TRPM3: variants seen among roughly 807,000 people sequenced by gnomAD.
The protein encoded by TRPM3 is transient receptor potential cation channel subfamily M member 3, also known as long transient receptor potential channel 3.
TRPM3 carries 77 observed loss-of-function variants against 181.2 expected under a neutral mutation model. The observed-to-expected ratio is 0.42, with a 90% CI of 0.35 to 0.51. The LOEUF (loss-of-function observed/expected upper bound fraction) is 0.51. Ranked by LOEUF, TRPM3 falls within the 20% of genes least tolerant of loss-of-function variation. The pLI is 0.01. For synonymous variants in TRPM3, 745 were observed against 796.4 expected (o/e 0.94, Z 1.09); for missense variants, 1,759 against 2,196.7 (o/e 0.80, Z 3.98).
intron 1 of TRPM3, among the ~76,000 whole-genome samples, chr9:71,275,003 C>T (rs2084083367): frequency 6.6e-6 from 1 of 152,138 alleles, no homozygotes; most frequent in Non-Finnish European, 1.5e-5. Flanking sequence ...AGGCAAAGAT[C>T]CCTGCTATCA....
chr9:71,279,323 T>C (rs977360563), intron 1 of TRPM3, among the ~76,000 whole-genome samples: 6 of 152,090 alleles, frequency 3.9e-5, no homozygotes, highest in Admixed American at 2.6e-4. Context: ...CAAATACGGA[T>C]AGTTACACAA....
At chr9:71,076,223 G>A (rs913781890) in intron 1 of TRPM3, among the ~76,000 whole-genome samples, 3 of 152,122 alleles carry the variant, frequency 2.0e-5, no homozygotes, top group African/African-American at 7.2e-5. Flanking sequence ...CGGTCAGCTC[G>A]AAATCAGACA....
chr9:71,299,992 G>T (rs968793269), intron 1 of TRPM3, among the ~76,000 whole-genome samples: 1 of 152,100 alleles, frequency 6.6e-6, no homozygotes, highest in Non-Finnish European at 1.5e-5. Context: ...TTAGCTAGGA[G>T]CTGTCTCATC....
intron 1 of TRPM3, among the ~76,000 whole-genome samples, chr9:70,952,677 G>A (rs1031758401): frequency 4.6e-5 from 7 of 152,120 alleles, no homozygotes; most frequent in Admixed American, 2.0e-4. Flanking sequence ...TTTGACAGAC[G>A]GATTAACAGC....
intron 1 of TRPM3, among the ~76,000 whole-genome samples, chr9:70,937,510 A>G (rs949522250): frequency 1.2e-4 from 18 of 152,258 alleles, no homozygotes; most frequent in African/African-American, 4.3e-4. Flanking sequence ...AAGAGTATCC[A>G]AAATTACTGA....
intron 1 of TRPM3, among the ~76,000 whole-genome samples, chr9:71,440,698 C>T (rs967204659): frequency 6.6e-6 from 1 of 152,160 alleles, no homozygotes; most frequent in Non-Finnish European, 1.5e-5. Context: ...AGAGGCTGTC[C>T]AGTACTTACC....
chr9:71,374,412 A>C (rs965807369), intron 1 of TRPM3, among the ~76,000 whole-genome samples: 8 of 151,988 alleles, frequency 5.3e-5, no homozygotes, highest in African/African-American at 1.9e-4. Context: ...AACAAAAAAA[A>C]CCACTCTCAA....
intron 1 of TRPM3, among the ~76,000 whole-genome samples, chr9:71,150,646 G>A (rs532625173): frequency 1.1e-4 from 17 of 152,156 alleles, no homozygotes; most frequent in Admixed American, 7.9e-4. Context: ...CAAATTCAAT[G>A]AAATAGCCTT....
chr9:71,385,242 T>C (rs946589338), intron 1 of TRPM3, among the ~76,000 whole-genome samples: 2 of 152,120 alleles, frequency 1.3e-5, no homozygotes, highest in African/African-American at 4.8e-5. Flanking sequence ...TCTCAAAATA[T>C]CAATCTAGAA....
chr9:71,423,408 A>T (rs1452473795), intron 1 of TRPM3, among the ~76,000 whole-genome samples: 4 of 152,228 alleles, frequency 2.6e-5, no homozygotes, highest in African/African-American at 9.6e-5. Flanking sequence ...AGAAGCAAAC[A>T]TCTCATCTAA....
intron 1 of TRPM3, among the ~76,000 whole-genome samples, chr9:71,282,102 A>AAAC (rs1565417817): frequency 3.4e-5 from 2 of 59,626 alleles, no homozygotes; most frequent in African/African-American, 6.6e-5. Context: ...AGAAAGAAAG[A>AAAC]AAAGAAAGAA....
At chr9:70,616,183 T>C (rs1030454202) in intron 17 of TRPM3, 108 bp from the exon 18 acceptor site, 20 of 701,512 alleles carry the variant, frequency 2.9e-5, no homozygotes, top group South Asian at 5.3e-5. Context: ...AGTGTATGCG[T>C]GTGTGTGTGT....
At chr9:70,769,478 C>A (rs2079796875) in intron 7 of TRPM3, among the ~76,000 whole-genome samples, 1 of 151,860 alleles carries the variant, frequency 6.6e-6, no homozygotes, top group Non-Finnish European at 1.5e-5. Flanking sequence ...CGTTTCTGAG[C>A]TTTGGAGTAC....
chr9:70,798,955 C>T (rs2088041799), intron 6 of TRPM3, among the ~76,000 whole-genome samples: 1 of 152,114 alleles, frequency 6.6e-6, no homozygotes, highest in African/African-American at 2.4e-5. Context: ...CTGAAAGAGC[C>T]CAGATTCTTA....
chr9:70,625,515 T>G lies in TRPM3; in HGVS notation c.1635A>C (p.Arg545=), dbSNP rs73451725. Reference sequence around the variant, plus strand: ...AGATCCAACCGAAACCTGGATACTCTCGCTTGGAAAGAAGACATAAGTTAA... The same window carrying G: ...AGATCCAACCGAAACCTGGATACTCGCGCTTGGAAAGAAGACATAAGTTAA... ...LYHLVRDVKK[R]EYPGFGWIYF... Residue 545 remains arginine (R), a splice_region_variant and synonymous_variant, in exon 13 of 26, where the codon CGA becomes CGC. Coordinates refer to ENST00000677713, the MANE Select transcript of TRPM3 (RefSeq NM_001366145.2). The surrounding 1 kb of genome is among the most constrained non-coding windows in gnomAD (Gnocchi z 4.8). The G allele has an allele frequency of 0.1, 167,652 of 1,610,932 alleles. 9,473 individuals are homozygous for G. The highest frequency in any genetic ancestry group is 0.23 in the East Asian group (10,291 of 44,860).
chr9:70,852,838 T>C (rs1257331469), intron 3 of TRPM3, among the ~76,000 whole-genome samples: 1 of 152,204 alleles, frequency 6.6e-6, no homozygotes, highest in Non-Finnish European at 1.5e-5. Context: ...CTCTCCCCTT[T>C]CATCTACAGA....
At chr9:71,110,478 T>G (rs2070822789) in intron 1 of TRPM3, among the ~76,000 whole-genome samples, 1 of 152,222 alleles carries the variant, frequency 6.6e-6, no homozygotes, top group Admixed American at 6.5e-5. Context: ...CTTTCATGCT[T>G]CGATGTAATA....
chr9:71,015,861 G>C (rs2097779984), intron 1 of TRPM3, among the ~76,000 whole-genome samples: 1 of 152,014 alleles, frequency 6.6e-6, no homozygotes, highest in Non-Finnish European at 1.5e-5. Flanking sequence ...TCCCTTGACA[G>C]GGTTTCCTTT....
chr9:70,668,126 G>T (rs1327631226), intron 9 of TRPM3, among the ~76,000 whole-genome samples: 1 of 152,158 alleles, frequency 6.6e-6, no homozygotes, highest in Admixed American at 6.5e-5. Flanking sequence ...TCCCAAACAT[G>T]TCAAACATGG....
Sources: gnomAD v4.1 joint callset for allele counts (sites outside exome capture counted in the v4.1 genomes callset) on GRCh38, gnomAD v4.1.1 for gene constraint, Gnocchi (gnomAD v3.1) non-coding constraint, MANE v1.5 for transcripts, NCBI Gene and HGNC (gene_info 2026-07-23, HGNC 2026-07-21) for gene names.